Variants in ACR observed in about 807,000 individuals in gnomAD.
The protein encoded by ACR is acrosin, also known as acrosin light and heavy chain prepropeptide.
Under a neutral mutation model 26.0 loss-of-function variants are expected in ACR, and 17 were observed. That is an observed-to-expected ratio of 0.65 (90% CI 0.45 to 0.98). ACR has a LOEUF of 0.98. Among genes scored for constraint, ACR ranks in the 50% least tolerant of loss-of-function variants. The pLI, the probability that ACR is intolerant of heterozygous loss-of-function variation, is 0.00. For missense variants in ACR, 435 were observed against 519.3 expected, an observed-to-expected ratio of 0.84 and a Z score of 1.58; for synonymous variants, 199 against 207.7, an observed-to-expected ratio of 0.96 and a Z score of 0.36.
Position 50,745,113 on chromosome 22 carries a change from T to C in ACR, c.1172T>C (p.Leu391Pro). ...TCTTTTGCCAAGCGCCTACAGCAGC[T>C]CATAGAGGTCTTGAAGGGGAAGACC... ...GLSFAKRLQQLIEVLKGKTYS... is the reference protein window; with the variant it reads ...GLSFAKRLQQPIEVLKGKTYS... Residue 391 changes from leucine to proline, a missense_variant, in exon 5 of 5, where the codon CTC becomes CCC. By Grantham distance (98) the Leu-to-Pro change is moderately conservative (BLOSUM62 -3). Coordinates refer to ENST00000216139, the MANE Select transcript of ACR (RefSeq NM_001097.3). 1.3e-6 allele frequency: 1 copy of C among 766,554 alleles called. No homozygotes were observed. Among genetic ancestry groups the C allele is most frequent in the Non-Finnish European group, 2.0e-6 (1 of 511,236 alleles). 47.5% of individuals were successfully genotyped at this position (766,554 alleles called of 1,614,324 possible).
At position 50,739,084 on chromosome 22, in the gene ACR, G is replaced by A. The variant is rs1254858549; in HGVS notation, c.78-187G>A. Among the ~76,000 whole-genome samples, 5 of 152,150 alleles carry A rather than the reference G, an allele frequency of 3.3e-5. No individual in the cohort carries two copies. The highest frequency in any genetic ancestry group is 2.1e-4 in the South Asian group (1 of 4,828). ...CTGCACCCACAAGACCTGAGAAGTC[G>A]TGGCCCCAGAACCATTTCCTAGAGC... On this transcript the variant is annotated intron_variant, in intron 1 of 4. Transcript: ENST00000216139. This position sits in a 1 kb window ranked among gnomAD's most constrained non-coding sequence, Gnocchi z 5.5.
intron 3 of ACR, chr22:50,743,547 G>C (rs1297368709): frequency 6.3e-6 from 1 of 157,610 alleles, no homozygotes; most frequent in Admixed American, 6.1e-5. Flanking sequence ...CAAGAAGCAG[G>C]GGGAGTGGCT....
chr22:50,740,792 G>T (rs1274637909), intron 3 of ACR: 2 of 692,168 alleles, frequency 2.9e-6, no homozygotes, highest in Admixed American at 4.0e-5. Flanking sequence ...AAGAGTAGGG[G>T]GAATTTCTTC....
rs1430915239 is a variant in ACR, at chr22:50,744,175, G to C, written c.680G>C (p.Gly227Ala). The C allele has an allele frequency of 3.7e-6, 6 of 1,613,688 alleles. No individual in the cohort carries two copies. Among genetic ancestry groups the C allele is most frequent in the Admixed American group, 1.7e-5 (1 of 60,002 alleles). Reference protein sequence around the residue: ...GRVQPTNVCAGYPVGKIDTCQ... With the variant: ...GRVQPTNVCAAYPVGKIDTCQ... ...GTTCAGCCAACCAATGTGTGCGCGG[G>C]GTATCCTGTAGGCAAGATCGACACC... The change falls in exon 4 of 5, where the codon GGG becomes GCG. Residue 227 changes from glycine to alanine, a missense_variant. Gly to Ala is a moderately conservative substitution (Grantham distance 60). Coordinates refer to ENST00000216139, the MANE Select transcript of ACR (RefSeq NM_001097.3).
intron 3 of ACR, chr22:50,740,879 C>T (rs4040042): frequency 1.7e-4 from 100 of 596,758 alleles, no homozygotes; most frequent in East Asian, 1.2e-3. Context: ...TGGTCAGAGA[C>T]GCCCAGACAC....
intron 3 of ACR, among the ~76,000 whole-genome samples, chr22:50,741,601 C>G (rs574332281): frequency 1.3e-5 from 2 of 152,090 alleles, no homozygotes; most frequent in Admixed American, 1.3e-4. Context: ...CTAATAGGAT[C>G]ACTCTGTTTC....
intron 3 of ACR, among the ~76,000 whole-genome samples, chr22:50,743,236 C>T (rs1343578672): frequency 7.9e-5 from 12 of 151,948 alleles, no homozygotes; most frequent in South Asian, 2.1e-4. Context: ...GGGGTTTCAC[C>T]GTGTTAGCCA....
In ACR at chr22:50,744,923, T is replaced by C; in HGVS notation, c.982T>C (p.Phe328Leu). Residue 328 changes from phenylalanine (F) to leucine (L), a missense_variant, in exon 5 of 5, where the codon TTC becomes CTC. By Grantham distance (22) the Phe-to-Leu change is conservative. Coordinates refer to ENST00000216139, the MANE Select transcript of ACR (RefSeq NM_001097.3). Reference sequence around the variant, plus strand: ...TATCTCTGCTCACCTTCCTTGGTATTTCCAACCGCCCCCTCGACCACTTCC... The same window carrying C: ...TATCTCTGCTCACCTTCCTTGGTATCTCCAACCGCCCCCTCGACCACTTCC... ...HPISAHLPWY[F>L]QPPPRPLPPR... 6.4e-7 allele frequency: 1 copy of C among 1,562,204 alleles called. No homozygotes were observed. Among genetic ancestry groups the C allele is most frequent in the South Asian group, 1.1e-5 (1 of 87,238 alleles).
At position 50,739,503 on chromosome 22, in the gene ACR, C is replaced by T. The variant is rs1415297976; in HGVS notation, c.281+29C>T. 6.2e-7 allele frequency: 1 copy of T among 1,612,264 alleles called. No homozygotes were observed. Among genetic ancestry groups the T allele is most frequent in the Admixed American group, 1.7e-5 (1 of 59,920 alleles). ...CGTGTAGGGATGCACTGAGGGAGGT[C>T]TTCAGAACGGCTCTTCTCAGAGAGG... On this transcript the variant is annotated intron_variant, in intron 2 of 4. Transcript: ENST00000216139. The surrounding 1 kb of genome is among the most constrained non-coding windows in gnomAD (Gnocchi z 5.5).
rs1253109730 is a variant in ACR at position 50,740,112 on chromosome 22, C to T, written c.565+135C>T. Reference sequence around the variant, plus strand: ...CACGGCGCTACACGTAGAGCCATCACTGTGGCCTTCCACAGTCCCCTGTGC... The same window carrying T: ...CACGGCGCTACACGTAGAGCCATCATTGTGGCCTTCCACAGTCCCCTGTGC... On this transcript the variant is annotated intron_variant, in intron 3 of 4. Coordinates refer to ENST00000216139, the MANE Select transcript of ACR (RefSeq NM_001097.3). 4.3e-6 allele frequency: 5 copies of T among 1,158,104 alleles called. No individual in the cohort carries two copies. In the Admixed American group the frequency reaches 7.8e-5, roughly 18 times the overall value. The allele number at this position is 1,158,104 out of a possible 1,614,324, so 71.7% of individuals were successfully genotyped here.
chr22:50,739,801 T>C lies in ACR; in HGVS notation c.389T>C (p.Ile130Thr), dbSNP rs1203446425. ...LQERYVEKII[I>T]HEKYNSATEG... Reference sequence around the variant, plus strand: ...GAGAGATATGTGGAGAAAATCATCATTCATGAAAAATACAACTCTGCGACA... The same window carrying C: ...GAGAGATATGTGGAGAAAATCATCACTCATGAAAAATACAACTCTGCGACA... Residue 130 changes from isoleucine (I) to threonine (T), a missense_variant, in exon 3 of 5, where the codon ATT (isoleucine) becomes ACT (threonine). Physicochemically the swap from Ile to Thr is moderately conservative, Grantham distance 89. Transcript: ENST00000216139. The surrounding 1 kb of genome is among the most constrained non-coding windows in gnomAD (Gnocchi z 5.5). The C allele has an allele frequency of 1.2e-6, 2 of 1,607,540 alleles. No homozygotes were observed. Among genetic ancestry groups the C allele is most frequent in the Non-Finnish European group, 1.7e-6 (2 of 1,177,080 alleles).
At position 50,744,342 on chromosome 22, in the gene ACR, C is replaced by A. The variant is rs543573740; in HGVS notation, c.711+136C>A. The stretch of plus-strand genomic sequence containing the variant: ...AGGGCCCTTCTCTAGTGACTGCTTC[C>A]CCGGTCCCTTTTCTAGCACCTACTC... On this transcript the variant is annotated intron_variant, in intron 4 of 4. Coordinates refer to ENST00000216139, the MANE Select transcript of ACR (RefSeq NM_001097.3). The A allele has an allele frequency of 2.0e-3, 1,473 of 726,220 alleles. 4 individuals are homozygous for A. The highest frequency in any genetic ancestry group is 3.0e-3 in the Non-Finnish European group (1,345 of 445,784). 45.0% of individuals were successfully genotyped at this position (726,220 alleles called of 1,614,324 possible).
rs746332641 is a variant in ACR at position 50,739,385 on chromosome 22, G to A, written c.192G>A (p.Thr64=). Residue 64 remains threonine (T), a synonymous_variant, in exon 2 of 5, where the codon ACG becomes ACA. Transcript: ENST00000216139. This position sits in a 1 kb window ranked among gnomAD's most constrained non-coding sequence, Gnocchi z 5.5. The part of the protein sequence containing the change: ...WPWMVSLQIF[T]YNSHRYHTCG... ...GGATGGTCAGCCTCCAGATCTTCAC[G>A]TACAACAGCCACAGGTACCACACAT... 1.4e-5 allele frequency: 23 copies of A among 1,613,882 alleles called. No individual in the cohort carries two copies. In the East Asian group the frequency reaches 2.4e-4, roughly 17 times the overall value.
rs755928242 is a variant in ACR at position 50,744,850 on chromosome 22, A to G, written c.909A>G (p.Pro303=). 6 of 1,579,656 alleles carry G rather than the reference A, an allele frequency of 3.8e-6. No homozygotes were observed. In the Admixed American group the frequency reaches 7.0e-5, roughly 19 times the overall value. ...ALRMIQSATP[P]PPTTRPPPIR... ...GTATGATTCAATCGGCCACCCCTCC[A>G]CCTCCCACCACTCGACCGCCCCCGA... Residue 303 remains proline, a synonymous_variant, in exon 5 of 5, where the codon CCA becomes CCG. Transcript: ENST00000216139.
In ACR at chr22:50,742,680, G is replaced by A. The variant is rs1010421913; in HGVS notation, c.566-1381G>A. 9.0e-3 allele frequency among the ~76,000 whole-genome samples: 1,369 copies of A among 151,956 alleles called. 21 individuals are homozygous for A. Among genetic ancestry groups the A allele is most frequent in the African/African-American group, 0.032 (1,327 of 41,230 alleles). ...GCTGCTTGGATGGTAAGAAAAGGTG[G>A]GGGCTAAGGGGATTAAAAAACGGAA... On this transcript the variant is annotated intron_variant, in intron 3 of 4. Transcript: ENST00000216139.
At chr22:50,743,291 T>C (rs1361814423) in intron 3 of ACR, among the ~76,000 whole-genome samples, 1 of 152,144 alleles carries the variant, frequency 6.6e-6, no homozygotes, top group African/African-American at 2.4e-5. Context: ...CGCCTCGGCC[T>C]CCCAAAGTGC....
At chr22:50,740,062 C>A (rs952549308) in intron 3 of ACR, 85 bp downstream of exon 3, 12 of 1,559,958 alleles carry the variant, frequency 7.7e-6, no homozygotes, top group Non-Finnish European at 7.0e-6. Context: ...TTGTTGACAC[C>A]CAGCCAGGCT....
At chr22:50,741,175 G>C (rs1189725337) in intron 3 of ACR, among the ~76,000 whole-genome samples, 1 of 152,144 alleles carries the variant, frequency 6.6e-6, no homozygotes, top group East Asian at 1.9e-4. Context: ...TCAATAATTT[G>C]AGGATTCTTC....
rs371232787 is a variant in ACR, at chr22:50,744,094, G to A, written c.599G>A (p.Arg200His). 112 of 1,613,644 alleles carry A rather than the reference G, an allele frequency of 6.9e-5. No individual in the cohort carries two copies. The highest frequency in any genetic ancestry group is 1.8e-4 in the Admixed American group (11 of 59,978). The change falls in exon 4 of 5, where the codon CGT (arginine) becomes CAT (histidine). Residue 200 changes from arginine to histidine, a missense_variant. Physicochemically the swap from Arg to His is conservative, Grantham distance 29. This residue lies in a region of ACR where 314 missense variants were observed against 372.0 expected (regional missense o/e 0.84). Transcript: ENST00000216139. ...CCATCATCTATACTGATGGAGGCAC[G>A]TGTGGATCTCATCGACCTGGACTTG... ...PRPSSILMEA[R>H]VDLIDLDLCN... is the part of the protein sequence containing the mutation.
Sources: allele counts gnomAD v4.1 joint callset (sites outside exome capture counted in the v4.1 genomes callset), GRCh38; gene constraint gnomAD v4.1.1; regional missense constraint gnomAD v4.1.1; non-coding constraint Gnocchi (gnomAD v3.1); transcripts MANE v1.5; gene names NCBI Gene and HGNC (gene_info 2026-07-23, HGNC 2026-07-21).